PLXNA2: variants seen among roughly 807,000 people sequenced by gnomAD.
PLXNA2 encodes plexin-A2.
In PLXNA2, 91 loss-of-function variants were observed where a neutral mutation model predicts 193.5. The ratio of observed to expected loss-of-function variants is 0.47; its 90% CI spans 0.40 to 0.56. PLXNA2 has a LOEUF of 0.56. PLXNA2 is among the 20% of genes least tolerant of loss of function. The probability of loss-of-function intolerance (pLI) is 0.00; values close to 1 mark genes in which losing one functional copy is unlikely to be tolerated. For synonymous variants in PLXNA2, 997 were observed against 1,027.3 expected (o/e 0.97, Z 0.56); for missense variants, 1,995 against 2,503.2 (o/e 0.80, Z 4.33).
At chr1:208,058,439 C>T (rs1331981333) in intron 13 of PLXNA2, among the ~76,000 whole-genome samples, 5 of 152,342 alleles carry the variant, frequency 3.3e-5, no homozygotes, top group East Asian at 1.9e-4. Context: ...ATCCTGCCCG[C>T]GCCCAGGACT....
At chr1:208,154,228 G>C (rs1668864851) in intron 3 of PLXNA2, among the ~76,000 whole-genome samples, 1 of 71,750 alleles carries the variant, frequency 1.4e-5, no homozygotes, top group Non-Finnish European at 3.7e-5. Context: ...TGAAGACTCT[G>C]CTGGTGCTGG....
At chr1:208,148,361 G>T (rs1668661573) in intron 3 of PLXNA2, among the ~76,000 whole-genome samples, 1 of 152,228 alleles carries the variant, frequency 6.6e-6, no homozygotes, top group South Asian at 2.1e-4. Context: ...AGATTGGTTT[G>T]AAAGGCATCA....
At chr1:208,126,912 C>T (rs1667989435) in intron 4 of PLXNA2, among the ~76,000 whole-genome samples, 1 of 152,164 alleles carries the variant, frequency 6.6e-6, no homozygotes, top group Non-Finnish European at 1.5e-5. Flanking sequence ...GTGTCCTGGG[C>T]CCAGGGACAG....
intron 12 of PLXNA2, among the ~76,000 whole-genome samples, chr1:208,064,516 C>T (rs963830878): frequency 2.6e-5 from 4 of 152,322 alleles, no homozygotes; most frequent in African/African-American, 7.2e-5. Context: ...GTTTAAAAAT[C>T]CCTGAGCCTT....
intron 3 of PLXNA2, among the ~76,000 whole-genome samples, chr1:208,175,613 C>G (rs1669638075): frequency 6.6e-6 from 1 of 152,198 alleles, no homozygotes; most frequent in African/African-American, 2.4e-5. Flanking sequence ...GAACTATGTT[C>G]TTCTTCTTGG....
intron 2 of PLXNA2, 43 bp downstream of exon 2, chr1:208,216,692 T>C (rs748694316): frequency 1.9e-6 from 3 of 1,572,952 alleles, no homozygotes; most frequent in Non-Finnish European, 2.6e-6. Flanking sequence ...GGTTGGAACC[T>C]GTGTCATGGA....
intron 27 of PLXNA2, among the ~76,000 whole-genome samples, chr1:208,033,913 A>G (rs905469135): frequency 6.6e-6 from 1 of 152,212 alleles, no homozygotes; most frequent in African/African-American, 2.4e-5. Context: ...CTCTTCTTGC[A>G]TGGGGCCTGG....
chr1:208,225,156 C>A (rs1017621082), intron 1 of PLXNA2, among the ~76,000 whole-genome samples: 1 of 152,150 alleles, frequency 6.6e-6, no homozygotes, highest in African/African-American at 2.4e-5. Context: ...GGTAATGGGG[C>A]ACAAGTGCAG....
intron 11 of PLXNA2, among the ~76,000 whole-genome samples, chr1:208,080,458 C>T (rs562341871): frequency 6.6e-6 from 1 of 152,260 alleles, no homozygotes; most frequent in South Asian, 2.1e-4. Context: ...TCTCCAAAAG[C>T]AAAACACGTA....
chr1:208,209,928 T>G, intron 3 of PLXNA2: 1 of 234,550 alleles, frequency 4.3e-6, no homozygotes. Flanking sequence ...ATTTTGGAGA[T>G]TTATAATGCA....
intron 9 of PLXNA2, among the ~76,000 whole-genome samples, chr1:208,087,964 T>C (rs964348284): frequency 2.0e-5 from 3 of 152,142 alleles, no homozygotes; most frequent in Non-Finnish European, 4.4e-5. Context: ...ACCTGTCTTA[T>C]GAAAAAGAAA....
intron 21 of PLXNA2, 71 bp from the exon 22 acceptor site, chr1:208,042,437 T>A: frequency 4.6e-6 from 7 of 1,536,064 alleles, no homozygotes; most frequent in Non-Finnish European, 6.2e-6. Flanking sequence ...AGGGTCTCAC[T>A]GAGGGCCTGC....
intron 4 of PLXNA2, among the ~76,000 whole-genome samples, chr1:208,141,019 G>T (rs2102482054): frequency 6.6e-6 from 1 of 152,316 alleles, no homozygotes; most frequent in African/African-American, 2.4e-5. Context: ...CTCTAGGTTA[G>T]GCAAAGCTGT....
rs1237643196 is a variant in PLXNA2 at position 208,214,459 on chromosome 1, C to G, written c.1188+2276G>C. Among the ~76,000 whole-genome samples the G allele has an allele frequency of 2.6e-5, 4 of 152,138 alleles. No homozygotes were observed. In the South Asian group the frequency reaches 6.2e-4, roughly 24 times the overall value. ...AATCCCCATCTGGTTTACTTCAAAG[C>G]CTTAACCACGACTCTTCTACCACAC... On this transcript the variant is annotated intron_variant, in intron 2 of 31. Coordinates refer to ENST00000367033, the MANE Select transcript of PLXNA2 (RefSeq NM_025179.4).
chr1:208,060,903 C>A, intron 12 of PLXNA2, 66 bp from the exon 13 acceptor site: 1 of 1,505,720 alleles, frequency 6.6e-7, no homozygotes, highest in Non-Finnish European at 9.1e-7. Flanking sequence ...AGCACCCTTC[C>A]CCCTCCCCCA....
chr1:208,077,485 G>T (rs898320316), intron 12 of PLXNA2, among the ~76,000 whole-genome samples: 1 of 152,206 alleles, frequency 6.6e-6, no homozygotes, highest in African/African-American at 2.4e-5. Flanking sequence ...TGGTGCAGCT[G>T]CTGGGGCTGG....
chr1:208,112,387 C>T (rs1443264491), intron 4 of PLXNA2, among the ~76,000 whole-genome samples: 1 of 152,226 alleles, frequency 6.6e-6, no homozygotes, highest in African/African-American at 2.4e-5. Context: ...AGCTGTATGA[C>T]ACTAAGTAAG....
At chr1:208,049,321 T>A (rs894434778) in intron 17 of PLXNA2, among the ~76,000 whole-genome samples, 52 of 150,360 alleles carry the variant, frequency 3.5e-4, no homozygotes, top group South Asian at 6.4e-4. Flanking sequence ...TTTTTTTTTT[T>A]AAATCCTTCC....
At chr1:208,043,225 G>A (rs768912316) in intron 20 of PLXNA2, 22 bp from the exon 21 acceptor site, 8 of 1,606,768 alleles carry the variant, frequency 5.0e-6, no homozygotes, top group Non-Finnish European at 6.8e-6. Flanking sequence ...AGCAGACGGA[G>A]AGGCTCGTGG....
Sources: gnomAD v4.1 joint callset for allele counts (sites outside exome capture counted in the v4.1 genomes callset) on GRCh38, gnomAD v4.1.1 for gene constraint, MANE v1.5 for transcripts, NCBI Gene and HGNC (gene_info 2026-07-23, HGNC 2026-07-21) for gene names.